The following BTD variants were observed in gnomAD, a reference collection of about 807,000 sequenced individuals.
BTD encodes biocytinase.
In BTD, 13 loss-of-function variants were observed where a neutral mutation model predicts 17.7. That is an observed-to-expected ratio of 0.74 (90% CI 0.48 to 1.17). BTD has a LOEUF of 1.17. BTD is among the 50% of genes most tolerant of loss of function. The pLI is 0.00. For synonymous variants in BTD, 240 were observed against 245.2 expected (o/e 0.98, Z 0.20); for missense variants, 674 against 650.4 (o/e 1.04, Z -0.39).
At position 15,646,240 on chromosome 3, in the gene BTD, T is replaced by C. The variant is rs1487501469; in HGVS notation, c.*752T>C. On this transcript the variant is annotated 3_prime_UTR_variant, in exon 4 of 4. Transcript: ENST00000643237. Reference sequence around the variant, plus strand: ...GGCAGCCATGGGAAGGTATGAGTAATAGAATTCTTTCTGTACGACACAGCT... The same window carrying C: ...GGCAGCCATGGGAAGGTATGAGTAACAGAATTCTTTCTGTACGACACAGCT... The C allele has an allele frequency of 6.6e-6, 1 of 152,140 alleles. No individual in the cohort carries two copies. The highest frequency in any genetic ancestry group is 1.5e-5 in the Non-Finnish European group (1 of 68,044). 9.4% of individuals were successfully genotyped at this position (152,140 alleles called of 1,614,324 possible).
chr3:15,622,888 A>T (rs1280989154), intron 1 of BTD, among the ~76,000 whole-genome samples: 2 of 152,180 alleles, frequency 1.3e-5, no homozygotes, highest in African/African-American at 2.4e-5. Flanking sequence ...CTTAATGACT[A>T]TGTTAGTCTG....
At chr3:15,631,501 G>GA in intron 1 of BTD, 3 of 1,530,570 alleles carry the variant, frequency 2.0e-6, no homozygotes, top group Non-Finnish European at 2.6e-6. Context: ...GCAAGGTGGG[G>GA]AAAAATCCCT....
chr3:15,716,644 A>C (rs750001574), downstream of BTD, among the ~76,000 whole-genome samples: 1 of 152,152 alleles, frequency 6.6e-6, no homozygotes, highest in African/African-American at 2.4e-5. Context: ...AAGAAGGATA[A>C]GAAAAACAAG....
Position 15,708,786 on chromosome 3 carries a change from T to C in BTD, c.400-1274T>C, listed in dbSNP as rs372067650. ...GTGTCAAATAGTTTTTATTTTCTTC[T>C]ATTCATTTCTGATTTCCTACCATGC... On this transcript the variant is annotated intron_variant, in intron 3 of 3. Transcript: ENST00000672141. Among the ~76,000 whole-genome samples, 24 of 152,326 alleles carry C rather than the reference T, an allele frequency of 1.6e-4. No homozygotes were observed. In the South Asian group the frequency reaches 5.0e-3, roughly 32 times the overall value.
downstream of BTD, chr3:15,714,653 T>C (rs1433465008): frequency 2.5e-6 from 4 of 1,586,980 alleles, no homozygotes; most frequent in Non-Finnish European, 3.4e-6. Flanking sequence ...TTCCCATCTT[T>C]ACTCTGGGGG....
intron 3 of BTD, among the ~76,000 whole-genome samples, chr3:15,688,292 TTTTTA>T (rs1340300632): frequency 1.3e-5 from 2 of 152,338 alleles, no homozygotes; most frequent in African/African-American, 2.4e-5. Flanking sequence ...ACAAAATTGA[TTTTTA>T]TTTTATATTT....
chr3:15,616,537 A>T (rs2064798044), intron 1 of BTD, among the ~76,000 whole-genome samples: 1 of 151,912 alleles, frequency 6.6e-6, no homozygotes, highest in African/African-American at 2.4e-5. Context: ...AATTTCTTGA[A>T]CCTGGGAGGT....
intron 1 of BTD, chr3:15,630,058 T>C: frequency 1.0e-6 from 1 of 985,444 alleles, no homozygotes; most frequent in Non-Finnish European, 1.2e-6. Flanking sequence ...GCGTCACTTT[T>C]TACATCCAGT....
chr3:15,661,159 G>A (rs1228595226), intron 3 of BTD, among the ~76,000 whole-genome samples: 4 of 151,462 alleles, frequency 2.6e-5, no homozygotes, highest in Non-Finnish European at 4.4e-5. Flanking sequence ...CCAGCTACTC[G>A]GGAGGCTGAG....
At chr3:15,662,273 T>C (rs2065932535) in intron 3 of BTD, among the ~76,000 whole-genome samples, 1 of 152,232 alleles carries the variant, frequency 6.6e-6, no homozygotes, top group South Asian at 2.1e-4. Context: ...ATTTATTTTT[T>C]CTTTGATTTC....
intron 4 of BTD, among the ~76,000 whole-genome samples, chr3:15,720,697 C>T (rs1404070965): frequency 6.8e-6 from 1 of 147,092 alleles, no homozygotes; most frequent in Admixed American, 6.6e-5. Context: ...GATTCTGGAA[C>T]CCCATATAAA....
chr3:15,609,074 C>A (rs1331296990), intron 1 of BTD, among the ~76,000 whole-genome samples: 1 of 152,178 alleles, frequency 6.6e-6, no homozygotes, highest in Non-Finnish European at 1.5e-5. Flanking sequence ...CTGGGGACAT[C>A]TTCATGATGA....
rs144858981 is a variant in BTD, at chr3:15,707,493, C to T, written c.400-2567C>T. On this transcript the variant is annotated intron_variant, in intron 3 of 3. Transcript: ENST00000672141. ...TTTTGGACACCAATTTACAAGGGTT[C>T]CTTGCAAATCTGAACTGTCTACCTC... 3.6e-3 allele frequency among the ~76,000 whole-genome samples: 548 copies of T among 152,292 alleles called. 7 individuals carry two copies. The highest frequency in any genetic ancestry group is 0.013 in the African/African-American group (529 of 41,572).
intron 3 of BTD, chr3:15,678,385 T>G: frequency 6.4e-7 from 1 of 1,573,418 alleles, no homozygotes; most frequent in Non-Finnish European, 8.6e-7. Flanking sequence ...AATATATGAC[T>G]AAATTTGAAT....
chr3:15,602,094 C>A (rs2064276615), intron 1 of BTD, 200 bp downstream of exon 1: 3 of 1,437,274 alleles, frequency 2.1e-6, no homozygotes, highest in African/African-American at 2.9e-5. Context: ...CATTTACTTA[C>A]ACGCTTTGTG....
chr3:15,707,785 T>C (rs1345202760), intron 3 of BTD: 3 of 1,025,576 alleles, frequency 2.9e-6, no homozygotes, highest in Non-Finnish European at 4.1e-6. Context: ...AACCAATCTA[T>C]TTCCCAAAAT....
At chr3:15,664,038 A>G (rs2065952871) in intron 3 of BTD, among the ~76,000 whole-genome samples, 1 of 152,190 alleles carries the variant, frequency 6.6e-6, no homozygotes, top group African/African-American at 2.4e-5. Flanking sequence ...AGTAGCTGGA[A>G]TTACAGGTGC....
intron 3 of BTD, chr3:15,696,288 C>A (rs759029704): frequency 8.1e-7 from 1 of 1,232,818 alleles, no homozygotes; most frequent in Non-Finnish European, 1.1e-6. Flanking sequence ...CTAAATCCTG[C>A]ATATTAACCA....
At chr3:15,612,205 A>G (rs985668624) in intron 1 of BTD, among the ~76,000 whole-genome samples, 3 of 152,132 alleles carry the variant, frequency 2.0e-5, no homozygotes, top group African/African-American at 7.2e-5. Flanking sequence ...CCTCATGTTT[A>G]TTTTACATTC....
Sources: gnomAD v4.1 joint callset for allele counts (sites outside exome capture counted in the v4.1 genomes callset) on GRCh38, gnomAD v4.1.1 for gene constraint, MANE v1.5 for transcripts, NCBI Gene and HGNC (gene_info 2026-07-23, HGNC 2026-07-21) for gene names.